Variants in FGL1 observed in about 807,000 individuals in gnomAD.
The protein encoded by FGL1 is fibrinogen like 1.
In FGL1, 59 loss-of-function variants were observed where a neutral mutation model predicts 43.7. That is an observed-to-expected ratio of 1.35 (90% CI 1.10 to 1.68). FGL1 has a LOEUF of 1.68. FGL1 is among the 40% of genes most tolerant of loss of function. The pLI is 0.00. For missense variants in FGL1, 596 were observed against 373.0 expected (o/e 1.60, Z -4.92); for synonymous variants, 192 against 126.5 (o/e 1.52, Z -3.48).
rs190583740 is a variant in FGL1 at position 17,878,984 on chromosome 8, C to T, written c.244+3015G>A. On this transcript the variant is annotated intron_variant, in intron 3 of 7. Coordinates refer to ENST00000427924, the MANE Select transcript of FGL1 (RefSeq NM_004467.4). ...GAGTATCTGTTCTTAGTAGCCTCTC[C>T]AGTACTATCTCCCTATATGCTAAAA... Among the ~76,000 whole-genome samples, 567 of 150,596 alleles carry T rather than the reference C, an allele frequency of 3.8e-3. 2 individuals are homozygous for T. Among genetic ancestry groups the T allele is most frequent in the African/African-American group, 0.012 (488 of 41,238 alleles).
chr8:17,893,438 C>T (rs34866543), intron 1 of FGL1, among the ~76,000 whole-genome samples: 4,431 of 149,580 alleles, frequency 0.03, 227 homozygotes, highest in African/African-American at 0.1. Context: ...ATTATATATA[C>T]ATTATATAAG....
chr8:17,888,031 T>C (rs1365058615), intron 1 of FGL1, among the ~76,000 whole-genome samples: 1 of 152,036 alleles, frequency 6.6e-6, no homozygotes, highest in Non-Finnish European at 1.5e-5. Context: ...GAAATAGTAG[T>C]CTTAGGCCCA....
chr8:17,886,316 T>C (rs761730135), intron 1 of FGL1, among the ~76,000 whole-genome samples: 35 of 152,314 alleles, frequency 2.3e-4, no homozygotes, highest in Non-Finnish European at 4.3e-4. Flanking sequence ...TTTGGTTTGA[T>C]TGAACACATG....
At chr8:17,872,351 G>A (rs1585130841) in intron 5 of FGL1, among the ~76,000 whole-genome samples, 1 of 141,506 alleles carries the variant, frequency 7.1e-6, no homozygotes, top group Non-Finnish European at 1.5e-5. Flanking sequence ...CACCCAGGCT[G>A]GAGTGGATTG....
chr8:17,874,291 G>C (rs1168645081), intron 4 of FGL1, 71 bp downstream of exon 4: 1 of 1,517,408 alleles, frequency 6.6e-7, no homozygotes. Context: ...TTCAGGATAT[G>C]ATCAAAATAT....
At chr8:17,886,311 T>C (rs901313903) in intron 1 of FGL1, among the ~76,000 whole-genome samples, 5 of 152,158 alleles carry the variant, frequency 3.3e-5, no homozygotes, top group Non-Finnish European at 7.4e-5. Context: ...GGACTTTTGG[T>C]TTGATTGAAC....
At chr8:17,871,774 G>A (rs1379750541) in intron 5 of FGL1, among the ~76,000 whole-genome samples, 3 of 152,134 alleles carry the variant, frequency 2.0e-5, no homozygotes, top group Non-Finnish European at 2.9e-5. Flanking sequence ...ACGTGGGTGG[G>A]GGCCCAGGAA....
At chr8:17,868,524 A>C (rs775156332) in intron 7 of FGL1, 24 bp downstream of exon 7, 3 of 1,582,678 alleles carry the variant, frequency 1.9e-6, no homozygotes, top group African/African-American at 2.7e-5. Context: ...ACTCCATTAC[A>C]ACTATGCTCA....
In FGL1 at chr8:17,895,502, T is replaced by C; in HGVS notation, c.-73A>G. On this transcript the variant is annotated 5_prime_UTR_variant, in exon 1 of 8. Transcript: ENST00000427924. ...TCAGGTTCCATCCAGACACTCTGCT[T>C]CCCAGGATCCTGTAACTGCATTGGG... 17 of 1,287,328 alleles carry C rather than the reference T, an allele frequency of 1.3e-5. No homozygotes were observed. The highest frequency in any genetic ancestry group is 1.7e-5 in the Non-Finnish European group (17 of 986,910). 79.7% of individuals were successfully genotyped at this position (1,287,328 alleles called of 1,614,324 possible).
At chr8:17,891,744 A>G (rs1244596220) in intron 1 of FGL1, 2 of 983,408 alleles carry the variant, frequency 2.0e-6, no homozygotes, top group Admixed American at 1.2e-4. Flanking sequence ...CTTATGGGAG[A>G]TCAAATTCTT....
intron 1 of FGL1, among the ~76,000 whole-genome samples, chr8:17,887,588 A>C (rs1437112368): frequency 6.6e-6 from 1 of 152,102 alleles, no homozygotes; most frequent in Non-Finnish European, 1.5e-5. Flanking sequence ...GTTGGCTCAC[A>C]CCTGTAATCC....
intron 3 of FGL1, among the ~76,000 whole-genome samples, chr8:17,880,735 G>T (rs998806683): frequency 1.5e-4 from 23 of 152,222 alleles, no homozygotes; most frequent in African/African-American, 4.8e-4. Flanking sequence ...AAGTGCTTTC[G>T]CTAGCATTCT....
chr8:17,868,819 A>T, intron 6 of FGL1, 84 bp from the exon 7 acceptor site: 1 of 1,461,420 alleles, frequency 6.8e-7, no homozygotes, highest in Non-Finnish European at 9.3e-7. Flanking sequence ...ACAAAAGAAC[A>T]GGTTCTATTG....
rs186536010 is a variant in FGL1 at position 17,882,544 on chromosome 8, T to G, written c.64-365A>C. On this transcript the variant is annotated intron_variant, in intron 2 of 7. Transcript: ENST00000427924. ...TGGGATTCAAATTCAGTTCAAGGAC[T>G]GTGCTCTCAATCTCTATATGACATT... is the stretch of plus-strand genomic sequence containing the variant. 1,020 of 162,966 alleles carry G rather than the reference T, an allele frequency of 6.3e-3. 29 individuals are homozygous for G. Among genetic ancestry groups the G allele is most frequent in the Admixed American group, 0.042 (667 of 15,878 alleles). The allele number at this position is 162,966 out of a possible 1,614,324, so 10.1% of individuals were successfully genotyped here.
intron 7 of FGL1, among the ~76,000 whole-genome samples, chr8:17,865,510 G>C (rs1242485746): frequency 6.6e-6 from 1 of 152,046 alleles, no homozygotes; most frequent in African/African-American, 2.4e-5. Flanking sequence ...TTAAAGTTTT[G>C]CCACCCATCA....
intron 1 of FGL1, among the ~76,000 whole-genome samples, chr8:17,892,679 G>C (rs34086585): frequency 0.011 from 1,642 of 152,196 alleles, 28 homozygotes; most frequent in African/African-American, 0.037. Flanking sequence ...AGGATTAGTA[G>C]TAAAAATAAT....
chr8:17,875,508 T>C (rs769125119), intron 3 of FGL1, among the ~76,000 whole-genome samples: 281 of 9,206 alleles, frequency 0.031, 5 homozygotes, highest in African/African-American at 0.06. Flanking sequence ...TCTTTCTTTC[T>C]TTCTTTCTTT....
intron 1 of FGL1, among the ~76,000 whole-genome samples, chr8:17,892,086 T>C (rs958685684): frequency 2.0e-5 from 3 of 152,212 alleles, no homozygotes; most frequent in Non-Finnish European, 2.9e-5. Context: ...AATATGTTTT[T>C]TGAGCAAAAT....
intron 1 of FGL1, among the ~76,000 whole-genome samples, chr8:17,893,892 C>G (rs907396343): frequency 6.8e-6 from 1 of 147,118 alleles, no homozygotes; most frequent in African/African-American, 2.7e-5. Flanking sequence ...ATTTATTGCA[C>G]AATTAGTTGT....
Sources: allele counts gnomAD v4.1 joint callset (sites outside exome capture counted in the v4.1 genomes callset), GRCh38; gene constraint gnomAD v4.1.1; transcripts MANE v1.5; gene names NCBI Gene and HGNC (gene_info 2026-07-23, HGNC 2026-07-21).